The following RUNX2 variants were observed in gnomAD, a reference collection of about 807,000 sequenced individuals.
RUNX2 encodes RUNX family transcription factor 2.
A neutral mutation model predicts 51.7 loss-of-function variants in RUNX2; 10 were observed. The ratio of observed to expected loss-of-function variants is 0.19; its 90% confidence interval spans 0.12 to 0.33. The LOEUF (loss-of-function observed/expected upper bound fraction) is 0.33. Ranked by LOEUF, RUNX2 falls within the 10% of genes least tolerant of loss-of-function variation. The pLI is 1.00. For synonymous variants in RUNX2, 276 were observed against 273.6 expected (o/e 1.01, Z -0.09); for missense variants, 562 against 691.3 (o/e 0.81, Z 2.10).
chr6:45,445,283 C>T (rs995101009), intron 5 of RUNX2, among the ~76,000 whole-genome samples: 2 of 152,140 alleles, frequency 1.3e-5, no homozygotes, highest in Non-Finnish European at 2.9e-5. Flanking sequence ...CTCAGCTTCC[C>T]AAAATGTTGG....
chr6:45,399,795 G>C (rs1797666176), intron 2 of RUNX2, among the ~76,000 whole-genome samples: 1 of 149,132 alleles, frequency 6.7e-6, no homozygotes, highest in Non-Finnish European at 1.5e-5. Flanking sequence ...GGAAAGGAGG[G>C]AAGGAAGGAA....
intron 7 of RUNX2, among the ~76,000 whole-genome samples, chr6:45,524,631 G>T (rs1563123662): frequency 6.6e-6 from 1 of 152,072 alleles, no homozygotes; most frequent in Non-Finnish European, 1.5e-5. Flanking sequence ...CATTGATGTG[G>T]TCACAATAAA....
intron 2 of RUNX2, among the ~76,000 whole-genome samples, chr6:45,370,400 C>A (rs1208927088): frequency 1.3e-5 from 2 of 151,404 alleles, no homozygotes; most frequent in East Asian, 3.9e-4. Flanking sequence ...AAAAAAAAAA[C>A]AGTTCAGTTG....
intron 8 of RUNX2, among the ~76,000 whole-genome samples, chr6:45,546,568 A>G (rs1050235179): frequency 3.9e-5 from 6 of 152,146 alleles, no homozygotes; most frequent in Admixed American, 3.9e-4. Flanking sequence ...TGGTTTACAC[A>G]TTGACCTGGC....
chr6:45,341,014 T>C (rs1328603938), intron 2 of RUNX2, among the ~76,000 whole-genome samples: 1 of 152,192 alleles, frequency 6.6e-6, no homozygotes, highest in Non-Finnish European at 1.5e-5. Flanking sequence ...ATTTCTTAAA[T>C]TCTAATTCAT....
At chr6:45,447,384 C>T (rs1799033265) in intron 5 of RUNX2, among the ~76,000 whole-genome samples, 1 of 152,216 alleles carries the variant, frequency 6.6e-6, no homozygotes, top group South Asian at 2.1e-4. Flanking sequence ...ATTTCCATAT[C>T]TCTCTCTTTT....
chr6:45,338,265 A>G (rs1789006159), intron 2 of RUNX2, among the ~76,000 whole-genome samples: 1 of 152,024 alleles, frequency 6.6e-6, no homozygotes, highest in Non-Finnish European at 1.5e-5. Context: ...CATCACCTCT[A>G]AAGAAGTTAT....
rs1800127834 is a variant in RUNX2, at chr6:45,481,903, T to G, written c.686-10038T>G. On this transcript the variant is annotated intron_variant, in intron 5 of 8. Coordinates refer to ENST00000647337, the MANE Select transcript of RUNX2 (RefSeq NM_001024630.4). ...GAACCCAGTCTGATGAAATCTATAT[T>G]CTCTTACAACTCTGAAAAATCCTAA... Among the ~76,000 whole-genome samples the G allele has an allele frequency of 2.0e-5, 3 of 152,308 alleles. No individual in the cohort carries two copies. The Middle Eastern group carries it at 0.01, about 518-fold the overall frequency.
chr6:45,494,345 T>C (rs1800578355), intron 6 of RUNX2, among the ~76,000 whole-genome samples: 1 of 152,224 alleles, frequency 6.6e-6, no homozygotes, highest in South Asian at 2.1e-4. Flanking sequence ...CACAGCAAGT[T>C]ACTGGCAGGG....
At chr6:45,419,773 T>C (rs1402970666) in intron 2 of RUNX2, among the ~76,000 whole-genome samples, 1 of 152,130 alleles carries the variant, frequency 6.6e-6, no homozygotes, top group African/African-American at 2.4e-5. Flanking sequence ...TCTGGCTAAA[T>C]GGGTTCTCGC....
intron 4 of RUNX2, among the ~76,000 whole-genome samples, chr6:45,433,717 G>A (rs963685606): frequency 6.6e-6 from 1 of 152,066 alleles, no homozygotes; most frequent in African/African-American, 2.4e-5. Flanking sequence ...GAGAAACAAA[G>A]GGTGTGCACT....
chr6:45,427,883 CCTT>C, intron 3 of RUNX2, among the ~76,000 whole-genome samples: 1 of 152,208 alleles, frequency 6.6e-6, no homozygotes, highest in Middle Eastern at 3.4e-3. Context: ...AGTTAAATAT[CCTT>C]CTACTTTATT....
At position 45,328,919 on chromosome 6, in the gene RUNX2, T is replaced by A; in HGVS notation, c.58+135T>A. 3.2e-6 allele frequency: 3 copies of A among 948,110 alleles called. No homozygotes were observed. The South Asian group carries it at 4.3e-5, about 14-fold the overall frequency. 58.7% of individuals were successfully genotyped at this position (948,110 alleles called of 1,614,324 possible). On this transcript the variant is annotated intron_variant, in intron 2 of 8. Coordinates refer to ENST00000647337, the MANE Select transcript of RUNX2 (RefSeq NM_001024630.4). The stretch of plus-strand genomic sequence containing the variant: ...TTATGCTATCTTGTTGCATTAAGAA[T>A]TGAAAAATGAAATTTCTGTATATAT...
intron 5 of RUNX2, among the ~76,000 whole-genome samples, chr6:45,450,128 T>A (rs1799119476): frequency 6.6e-6 from 1 of 152,190 alleles, no homozygotes; most frequent in African/African-American, 2.4e-5. Flanking sequence ...GGAGAGCGAA[T>A]AACTGGAAAT....
At position 45,549,448 on chromosome 6, in the gene RUNX2, CTT is replaced by C. The variant is rs893878913; in HGVS notation, c.*2145_*2146del. 6 of 398,404 alleles carry C rather than the reference CTT, an allele frequency of 1.5e-5. No individual in the cohort carries two copies. Among genetic ancestry groups the C allele is most frequent in the African/African-American group, 1.2e-4 (6 of 48,756 alleles). 24.7% of individuals were successfully genotyped at this position (398,404 alleles called of 1,614,324 possible). On this transcript the variant is annotated 3_prime_UTR_variant, in exon 9 of 9. Coordinates refer to ENST00000647337, the MANE Select transcript of RUNX2 (RefSeq NM_001024630.4). ...TAAAAATGGATGGGAAAGCAAAACA[CTT>C]TGCCTTCTAAAGGCCGTATACCAAG...
intron 2 of RUNX2, among the ~76,000 whole-genome samples, chr6:45,355,947 T>C (rs1211998130): frequency 6.6e-6 from 1 of 152,124 alleles, no homozygotes; most frequent in East Asian, 1.9e-4. Flanking sequence ...TACTAACCAG[T>C]GTAATACAGG....
intron 4 of RUNX2, among the ~76,000 whole-genome samples, chr6:45,433,480 T>C (rs1269588357): frequency 6.7e-6 from 1 of 149,266 alleles, no homozygotes; most frequent in Admixed American, 6.7e-5. Flanking sequence ...TTTCTTCTTA[T>C]GTAATAATAC....
chr6:45,368,411 G>A (rs1581965280), intron 2 of RUNX2, among the ~76,000 whole-genome samples: 1 of 152,078 alleles, frequency 6.6e-6, no homozygotes, highest in African/African-American at 2.4e-5. Flanking sequence ...AAGGATGCAC[G>A]CCTTTCCTCA....
chr6:45,432,076 G>A lies in RUNX2; in HGVS notation c.580+57G>A, dbSNP rs1798557580. On this transcript the variant is annotated intron_variant, in intron 4 of 8. Transcript: ENST00000647337. ...AATAAGCACATTAGGCTCCTTTGAT[G>A]AAATGTAGACTAGTCTGTATACAAA... 2.0e-6 allele frequency: 3 copies of A among 1,521,198 alleles called. No homozygotes were observed. The African/African-American group carries it at 4.1e-5, about 21-fold the overall frequency. The allele number at this position is 1,521,198 out of a possible 1,614,324, so 94.2% of individuals were successfully genotyped here.
Sources: gnomAD v4.1 joint callset for allele counts (sites outside exome capture counted in the v4.1 genomes callset) on GRCh38, gnomAD v4.1.1 for gene constraint, MANE v1.5 for transcripts, NCBI Gene and HGNC (gene_info 2026-07-23, HGNC 2026-07-21) for gene names.